POLB: variants seen among roughly 807,000 people sequenced by gnomAD.
The protein encoded by POLB is 5'-dRP lyase.
In POLB, 37 loss-of-function variants were observed where a neutral mutation model predicts 52.7. The observed-to-expected ratio is 0.70, with a 90% CI of 0.54 to 0.92. POLB has a LOEUF of 0.92. Ranked by LOEUF, POLB falls within the 40% of genes least tolerant of loss-of-function variation. The probability of loss-of-function intolerance (pLI) is 0.00; values close to 1 mark genes in which losing one functional copy is unlikely to be tolerated. For synonymous variants in POLB, 138 were observed against 131.3 expected (o/e 1.05, Z -0.35); for missense variants, 313 against 400.8 (o/e 0.78, Z 1.87).
intron 2 of POLB, among the ~76,000 whole-genome samples, chr8:42,341,201 A>G (rs1471336604): frequency 1.3e-5 from 2 of 152,210 alleles, no homozygotes; most frequent in Non-Finnish European, 2.9e-5. Flanking sequence ...CAGTCAAATA[A>G]TTAAATAATA....
chr8:42,356,777 A>G (rs1024740866), intron 7 of POLB, among the ~76,000 whole-genome samples: 5 of 152,216 alleles, frequency 3.3e-5, no homozygotes, highest in Admixed American at 2.6e-4. Context: ...AGTATTTGAA[A>G]ATATAATTTT....
intron 4 of POLB, among the ~76,000 whole-genome samples, chr8:42,349,683 C>A (rs1424017292): frequency 6.6e-6 from 1 of 152,208 alleles, no homozygotes; most frequent in Non-Finnish European, 1.5e-5. Flanking sequence ...CCACCATACC[C>A]GGCCATCTTT....
At position 42,342,993 on chromosome 8, in the gene POLB, A is replaced by G. The variant is rs1822307265; in HGVS notation, c.120-1960A>G. On this transcript the variant is annotated intron_variant, in intron 2 of 13. Coordinates refer to ENST00000265421, the MANE Select transcript of POLB (RefSeq NM_002690.3). The stretch of plus-strand genomic sequence containing the variant: ...CATTTGAGGTCAGGAGTTGGAAACC[A>G]GCCTGGCCAACATGGTGAAGACCTG... Among the ~76,000 whole-genome samples, 3 of 152,202 alleles carry G rather than the reference A, an allele frequency of 2.0e-5. 1 individual carries two copies. The Middle Eastern group carries it at 0.01, about 518-fold the overall frequency.
chr8:42,347,471 C>G (rs1238538782), intron 3 of POLB, among the ~76,000 whole-genome samples: 1 of 150,374 alleles, frequency 6.7e-6, no homozygotes, highest in African/African-American at 2.4e-5. Context: ...TAATCTATTC[C>G]TTCTTAGTAA....
chr8:42,343,947 G>A (rs1443869221), intron 2 of POLB, among the ~76,000 whole-genome samples: 1 of 151,926 alleles, frequency 6.6e-6, no homozygotes, highest in African/African-American at 2.4e-5. Context: ...TGGCCAACAT[G>A]GTGAAACCCT....
At chr8:42,343,195 GC>G (rs1822325785) in intron 2 of POLB, among the ~76,000 whole-genome samples, 1 of 151,076 alleles carries the variant, frequency 6.6e-6, no homozygotes, top group South Asian at 2.1e-4. Context: ...GGTGGCGGGT[GC>G]CTGTAGTCCC....
At chr8:42,345,592 T>TATTTTGG (rs1451106121) in intron 3 of POLB, among the ~76,000 whole-genome samples, 1 of 152,240 alleles carries the variant, frequency 6.6e-6, no homozygotes, top group East Asian at 1.9e-4. Flanking sequence ...GGGAACAGAT[T>TATTTTGG]ATTTTGGATT....
At chr8:42,350,215 G>A (rs1822890723) in intron 5 of POLB, 150 bp downstream of exon 5, 2 of 657,232 alleles carry the variant, frequency 3.0e-6, no homozygotes, top group African/African-American at 1.8e-5. Flanking sequence ...TATGATCTGA[G>A]GCCGATTCTT....
intron 11 of POLB, among the ~76,000 whole-genome samples, chr8:42,364,858 T>C (rs1292359562): frequency 6.6e-6 from 1 of 152,178 alleles, no homozygotes; most frequent in Non-Finnish European, 1.5e-5. Context: ...GAAAACATTC[T>C]GGAGATGGAT....
At chr8:42,362,465 A>G (rs1205168820) in intron 10 of POLB, 147 bp from the exon 11 acceptor site, 2 of 570,040 alleles carry the variant, frequency 3.5e-6, no homozygotes, top group African/African-American at 1.9e-5. Context: ...GTTCAAGGCT[A>G]TAGTTTGCCA....
intron 6 of POLB, among the ~76,000 whole-genome samples, chr8:42,353,136 G>A (rs960660054): frequency 5.4e-5 from 8 of 149,088 alleles, no homozygotes; most frequent in Non-Finnish European, 7.4e-5. Flanking sequence ...AATAGTTATC[G>A]TTTGCAAATT....
At chr8:42,362,499 G>A (rs1823764090) in intron 10 of POLB, 113 bp from the exon 11 acceptor site, 1 of 690,236 alleles carries the variant, frequency 1.4e-6, no homozygotes, top group Non-Finnish European at 2.6e-6. Flanking sequence ...GAATAGCACA[G>A]TCTCCAGCCT....
chr8:42,348,798 T>C (rs1306702055), intron 3 of POLB, among the ~76,000 whole-genome samples: 2 of 152,234 alleles, frequency 1.3e-5, no homozygotes, highest in Non-Finnish European at 2.9e-5. Context: ...TTAAATAAGA[T>C]ATAATTATTT....
intron 2 of POLB, chr8:42,342,198 C>T: frequency 6.4e-7 from 1 of 1,554,832 alleles, no homozygotes; most frequent in South Asian, 1.1e-5. Context: ...AGGCCTGCAT[C>T]CAAATAGCAG....
intron 7 of POLB, 34 bp from the exon 8 acceptor site, chr8:42,357,135 G>A (rs773918684): frequency 1.4e-5 from 17 of 1,212,640 alleles, no homozygotes; most frequent in South Asian, 7.8e-5. Flanking sequence ...TAAATTTTAC[G>A]AAAATCTTTT....
Position 42,342,353 on chromosome 8 carries a change from A to G in POLB, c.120-2600A>G. The G allele has an allele frequency of 2.0e-6, 3 of 1,505,032 alleles. No individual in the cohort carries two copies. In the South Asian group the frequency reaches 3.4e-5, roughly 17 times the overall value. 93.2% of individuals were successfully genotyped at this position (1,505,032 alleles called of 1,614,324 possible). On this transcript the variant is annotated intron_variant, in intron 2 of 13. Coordinates refer to ENST00000265421, the MANE Select transcript of POLB (RefSeq NM_002690.3). The stretch of plus-strand genomic sequence containing the variant: ...AGGCCAGTACAATATGTTGCAGCAT[A>G]ATTTGTCAGGCCAACCTTCACACCA...
chr8:42,344,522 T>G (rs6474390), intron 2 of POLB, among the ~76,000 whole-genome samples: 115,147 of 151,602 alleles, frequency 0.76, 47,951 homozygotes, highest in Non-Finnish European at 0.93. Context: ...GCTCATCTGA[T>G]TTTTAAGTTC....
chr8:42,346,535 C>G (rs771708455), intron 3 of POLB, among the ~76,000 whole-genome samples: 10 of 151,848 alleles, frequency 6.6e-5, no homozygotes, highest in Non-Finnish European at 1.3e-4. Flanking sequence ...CAGGCATGCT[C>G]CATCACACTC....
At chr8:42,346,539 C>T (rs1282710653) in intron 3 of POLB, among the ~76,000 whole-genome samples, 1 of 151,836 alleles carries the variant, frequency 6.6e-6, no homozygotes, top group African/African-American at 2.4e-5. Flanking sequence ...CATGCTCCAT[C>T]ACACTCAGAT....
Sources: gnomAD v4.1 joint callset for allele counts (sites outside exome capture counted in the v4.1 genomes callset) on GRCh38, gnomAD v4.1.1 for gene constraint, MANE v1.5 for transcripts, NCBI Gene and HGNC (gene_info 2026-07-23, HGNC 2026-07-21) for gene names.